Variants in FAM107B observed in about 807,000 individuals in gnomAD.
The protein encoded by FAM107B is family with sequence similarity 107 member B, also known as protein FAM107B.
Under a neutral mutation model 31.5 loss-of-function variants are expected in FAM107B, and 21 were observed. The ratio of observed to expected loss-of-function variants is 0.67; its 90% CI spans 0.47 to 0.96. The LOEUF (loss-of-function observed/expected upper bound fraction) is 0.96, where lower values mean the gene tolerates loss of function less well. Ranked by LOEUF, FAM107B falls within the 40% of genes least tolerant of loss-of-function variation. FAM107B has a pLI of 0.00. For synonymous variants in FAM107B, 157 were observed against 141.5 expected (o/e 1.11, Z -0.78); for missense variants, 452 against 377.1 (o/e 1.20, Z -1.64).
chr10:14,569,324 G>A (rs922958975), intron 2 of FAM107B, among the ~76,000 whole-genome samples: 1 of 152,108 alleles, frequency 6.6e-6, no homozygotes, highest in Non-Finnish European at 1.5e-5. Context: ...AGGAAGATTC[G>A]AGTTATCCTA....
chr10:14,706,386 C>G (rs1034753494), intron 1 of FAM107B, among the ~76,000 whole-genome samples: 1 of 152,024 alleles, frequency 6.6e-6, no homozygotes, highest in African/African-American at 2.4e-5. Context: ...CACCACCATG[C>G]CTGGCTAATT....
intron 2 of FAM107B, among the ~76,000 whole-genome samples, chr10:14,629,522 T>TATATATA (rs1195293460): frequency 9.2e-6 from 1 of 108,836 alleles, no homozygotes; most frequent in African/African-American, 4.7e-5. Context: ...TATATATATA[T>TATATATA]TTTTTTTTGA....
At chr10:14,712,241 A>G (rs1855665734) in intron 1 of FAM107B, among the ~76,000 whole-genome samples, 1 of 152,186 alleles carries the variant, frequency 6.6e-6, no homozygotes, top group Non-Finnish European at 1.5e-5. Flanking sequence ...TGTATCTCAT[A>G]AATATATACA....
intron 4 of FAM107B, 50 bp downstream of exon 4, chr10:14,521,819 T>G: frequency 1.3e-6 from 2 of 1,596,378 alleles, no homozygotes; most frequent in South Asian, 2.3e-5. Flanking sequence ...CACTCCAACA[T>G]TCTTCAAGAC....
chr10:14,764,754 G>A (rs750051882), intron 1 of FAM107B, among the ~76,000 whole-genome samples: 10 of 152,170 alleles, frequency 6.6e-5, no homozygotes, highest in Non-Finnish European at 1.0e-4. Flanking sequence ...TTCCTAGACC[G>A]TAAGACATTT....
intron 2 of FAM107B, among the ~76,000 whole-genome samples, chr10:14,557,365 T>C (rs1292710567): frequency 6.6e-6 from 1 of 152,222 alleles, no homozygotes. Context: ...CTCAATAAAT[T>C]GTGCATGGAG....
At chr10:14,593,914 T>C (rs898418758) in intron 2 of FAM107B, among the ~76,000 whole-genome samples, 13 of 152,148 alleles carry the variant, frequency 8.5e-5, no homozygotes, top group Non-Finnish European at 1.9e-4. Context: ...TGTTCGAGAG[T>C]AAAATGTATT....
In FAM107B at chr10:14,774,355, C is replaced by G; in HGVS notation, c.309G>C (p.Glu103Asp). 6.2e-7 allele frequency: 1 copy of G among 1,614,248 alleles called. No homozygotes were observed. Among genetic ancestry groups the G allele is most frequent in the Non-Finnish European group, 8.5e-7 (1 of 1,180,048 alleles). Residue 103 changes from glutamate to aspartate, a missense_variant, in exon 1 of 5, where the codon GAG becomes GAC. Glu to Asp is a conservative substitution (Grantham distance 45). Transcript: ENST00000181796. The stretch of plus-strand genomic sequence containing the variant: ...GGGACCCGGGCACATCTTCAGGCGT[C>G]TCCGCGGGCTGGGCCGCAGTGCGGT... ...SSHRTAAQPAETPEDVPGSLD... is the reference protein window; with the variant it reads ...SSHRTAAQPADTPEDVPGSLD...
chr10:14,667,659 G>A lies in FAM107B; in HGVS notation c.444C>T (p.Leu148=), dbSNP rs149371316. 3.7e-3 allele frequency: 5,995 copies of A among 1,614,062 alleles called. 118 individuals carry two copies. The East Asian group carries it at 0.042, about 11-fold the overall frequency. ...EEEFREEPKC[L]ELEQKMTSDS... ...CTGATGTCATTTTCTGCTCCAGCTC[G>A]AGGCATTTAGGTTCTTCTCGAAATT... Residue 148 remains leucine (L), a synonymous_variant, in exon 2 of 5, where the codon CTC becomes CTT. Transcript: ENST00000181796.
chr10:14,581,578 G>A (rs914189919), intron 2 of FAM107B, among the ~76,000 whole-genome samples: 2 of 152,196 alleles, frequency 1.3e-5, no homozygotes, highest in African/African-American at 4.8e-5. Flanking sequence ...TGCCATCACC[G>A]GCAGGTGTCC....
chr10:14,526,012 T>C (rs1588469181), intron 3 of FAM107B, among the ~76,000 whole-genome samples: 2 of 152,302 alleles, frequency 1.3e-5, no homozygotes, highest in South Asian at 4.1e-4. Context: ...TGTACCTATA[T>C]ATTAATAAGT....
At chr10:14,681,065 A>G (rs547888653) in intron 1 of FAM107B, among the ~76,000 whole-genome samples, 7 of 152,316 alleles carry the variant, frequency 4.6e-5, no homozygotes, top group African/African-American at 1.7e-4. Flanking sequence ...GTAGAATGCT[A>G]GGTGACTTTC....
At chr10:14,622,896 G>A (rs1346996732) in intron 2 of FAM107B, among the ~76,000 whole-genome samples, 1 of 152,112 alleles carries the variant, frequency 6.6e-6, no homozygotes, top group African/African-American at 2.4e-5. Flanking sequence ...CTTTCCTGTA[G>A]AAATCACCAC....
At position 14,600,924 on chromosome 10, in the gene FAM107B, C is replaced by T. The variant is rs73585622; in HGVS notation, c.469+66710G>A. Among the ~76,000 whole-genome samples the T allele has an allele frequency of 9.0e-4, 137 of 152,238 alleles. 1 individual carries two copies. Among genetic ancestry groups the T allele is most frequent in the African/African-American group, 2.9e-3 (119 of 41,544 alleles). ...CTGAGTAGCTTCAACCACAGGAGCG[C>T]GCTGCCACACCCAGCTAATTTTTCG... is the stretch of plus-strand genomic sequence containing the variant. On this transcript the variant is annotated intron_variant, in intron 2 of 4. Coordinates refer to ENST00000181796, the MANE Select transcript of FAM107B (RefSeq NM_031453.4).
chr10:14,599,583 A>G (rs1399222961), intron 2 of FAM107B, among the ~76,000 whole-genome samples: 1 of 152,178 alleles, frequency 6.6e-6, no homozygotes, highest in Non-Finnish European at 1.5e-5. Flanking sequence ...CAGGAGGATC[A>G]CTTGAGCCCA....
chr10:14,649,658 C>A (rs1853850852), intron 2 of FAM107B, among the ~76,000 whole-genome samples: 3 of 152,156 alleles, frequency 2.0e-5, no homozygotes, highest in Non-Finnish European at 4.4e-5. Flanking sequence ...GTTGTCCCAC[C>A]TTTTCCAGAC....
At chr10:14,701,611 G>A (rs1328430010) in intron 1 of FAM107B, among the ~76,000 whole-genome samples, 2 of 151,976 alleles carry the variant, frequency 1.3e-5, no homozygotes, top group African/African-American at 4.8e-5. Context: ...CAGAATCATC[G>A]AAAGGGAACT....
At chr10:14,528,576 T>C (rs1474834918) in intron 3 of FAM107B, among the ~76,000 whole-genome samples, 1 of 152,142 alleles carries the variant, frequency 6.6e-6, no homozygotes, top group African/African-American at 2.4e-5. Context: ...GATCATAAGG[T>C]AGGTAAAGTT....
At chr10:14,634,565 T>C (rs1423191220) in intron 2 of FAM107B, among the ~76,000 whole-genome samples, 3 of 151,594 alleles carry the variant, frequency 2.0e-5, no homozygotes, top group African/African-American at 7.3e-5. Flanking sequence ...GAATTAACTC[T>C]CCCACAGAAA....
Sources: allele counts gnomAD v4.1 joint callset (sites outside exome capture counted in the v4.1 genomes callset), GRCh38; gene constraint gnomAD v4.1.1; transcripts MANE v1.5; gene names NCBI Gene and HGNC (gene_info 2026-07-23, HGNC 2026-07-21).